JAKMIP2: variants seen among roughly 807,000 people sequenced by gnomAD.
The protein encoded by JAKMIP2 is janus kinase and microtubule interacting protein 2, also known as janus kinase and microtubule-interacting protein 2.
JAKMIP2 carries 25 observed loss-of-function variants against 115.0 expected under a neutral mutation model. That is an observed-to-expected ratio of 0.22 (90% CI 0.16 to 0.30). JAKMIP2 has a LOEUF of 0.30. Ranked by LOEUF, JAKMIP2 falls within the 10% of genes least tolerant of loss-of-function variation. JAKMIP2 has a pLI of 1.00. For synonymous variants in JAKMIP2, 334 were observed against 343.6 expected (o/e 0.97, Z 0.31); for missense variants, 642 against 957.6 (o/e 0.67, Z 4.35).
chr5:147,632,283 T>C (rs1029297220), intron 13 of JAKMIP2, among the ~76,000 whole-genome samples: 1 of 152,210 alleles, frequency 6.6e-6, no homozygotes, highest in Non-Finnish European at 1.5e-5. Context: ...CATTTTGAAA[T>C]ATAAGTATTG....
chr5:147,648,105 C>T (rs1425750841), intron 5 of JAKMIP2, among the ~76,000 whole-genome samples: 1 of 152,078 alleles, frequency 6.6e-6, no homozygotes, highest in Non-Finnish European at 1.5e-5. Context: ...TGATAGACAT[C>T]TATGGCGATT....
chr5:147,628,879 C>G lies in JAKMIP2; in HGVS notation c.1930-63G>C. ...GACATTATTTACCCCAAAGAAAATA[C>G]TGTCTGACTGACTGCTACAGAGCAT... On this transcript the variant is annotated intron_variant, in intron 15 of 21. Transcript: ENST00000616793. The G allele has an allele frequency of 3.4e-6, 4 of 1,178,044 alleles. No individual in the cohort carries two copies. In the South Asian group the frequency reaches 3.8e-5, roughly 11 times the overall value. The allele number at this position is 1,178,044 out of a possible 1,614,324, so 73.0% of individuals were successfully genotyped here.
chr5:147,602,002 T>C (rs532331087), intron 20 of JAKMIP2, among the ~76,000 whole-genome samples, 191 bp from the exon 21 acceptor site: 1 of 152,354 alleles, frequency 6.6e-6, no homozygotes, highest in African/African-American at 2.4e-5. Flanking sequence ...CAACTAACAT[T>C]GATTCATACA....
At chr5:147,672,654 G>T (rs1372080897) in intron 1 of JAKMIP2, among the ~76,000 whole-genome samples, 2 of 152,170 alleles carry the variant, frequency 1.3e-5, no homozygotes, top group African/African-American at 2.4e-5. Flanking sequence ...GGCATGAATT[G>T]TTTCAGAAGT....
intron 19 of JAKMIP2, among the ~76,000 whole-genome samples, chr5:147,615,430 T>C (rs1003955124): frequency 2.6e-5 from 4 of 152,088 alleles, no homozygotes; most frequent in African/African-American, 9.7e-5. Context: ...ATGTTTTGCA[T>C]GAGTGGAGAG....
chr5:147,760,398 G>T (rs1754890460), intron 1 of JAKMIP2, among the ~76,000 whole-genome samples: 1 of 57,970 alleles, frequency 1.7e-5, no homozygotes, highest in African/African-American at 5.2e-5. Flanking sequence ...AGAAGAGGCA[G>T]TCAGTGAAAA....
At chr5:147,652,632 T>C (rs1328168109) in intron 3 of JAKMIP2, among the ~76,000 whole-genome samples, 1 of 152,200 alleles carries the variant, frequency 6.6e-6, no homozygotes, top group Non-Finnish European at 1.5e-5. Context: ...GTTTCCTATG[T>C]TATTCTGTGT....
chr5:147,682,039 C>CAAAAA (rs201220964), intron 1 of JAKMIP2, among the ~76,000 whole-genome samples: 3 of 76,310 alleles, frequency 3.9e-5, no homozygotes, highest in South Asian at 4.2e-4. Context: ...AACTCTGTTT[C>CAAAAA]AAAAAAAAAA....
At chr5:147,756,220 C>T (rs756815292) in intron 1 of JAKMIP2, among the ~76,000 whole-genome samples, 1 of 152,086 alleles carries the variant, frequency 6.6e-6, no homozygotes, top group Non-Finnish European at 1.5e-5. Flanking sequence ...GTGACTGAAG[C>T]ATCAGAGAGA....
intron 1 of JAKMIP2, among the ~76,000 whole-genome samples, chr5:147,730,578 C>A (rs566791577): frequency 6.6e-6 from 1 of 151,986 alleles, no homozygotes; most frequent in South Asian, 2.1e-4. Flanking sequence ...GCCTCAGCCT[C>A]CCTAGTAGCT....
chr5:147,739,772 G>A (rs1004144495), intron 1 of JAKMIP2, among the ~76,000 whole-genome samples: 3 of 152,030 alleles, frequency 2.0e-5, no homozygotes, highest in Non-Finnish European at 4.4e-5. Flanking sequence ...ATCCTTTCCC[G>A]CTTAAATCAA....
intron 12 of JAKMIP2, 41 bp from the exon 13 acceptor site, chr5:147,632,819 A>G: frequency 3.1e-6 from 4 of 1,292,206 alleles, no homozygotes; most frequent in Non-Finnish European, 4.5e-6. Flanking sequence ...CATTGAGAAA[A>G]GCACCTACAA....
chr5:147,690,318 T>A (rs1178866852), intron 1 of JAKMIP2, among the ~76,000 whole-genome samples: 1 of 151,686 alleles, frequency 6.6e-6, no homozygotes, highest in African/African-American at 2.4e-5. Flanking sequence ...GGGTGACAGA[T>A]TGAGACCCTG....
chr5:147,636,155 C>A (rs1667890177), intron 12 of JAKMIP2, 67 bp downstream of exon 12: 1 of 1,346,060 alleles, frequency 7.4e-7, no homozygotes, highest in Non-Finnish European at 1.1e-6. Flanking sequence ...CTGAGAGCAC[C>A]CCCTGCTGCT....
At chr5:147,672,540 C>T (rs963227176) in intron 1 of JAKMIP2, among the ~76,000 whole-genome samples, 1 of 152,146 alleles carries the variant, frequency 6.6e-6, no homozygotes, top group African/African-American at 2.4e-5. Flanking sequence ...AAAAATAAGT[C>T]AGCCTTCCAA....
chr5:147,771,567 T>C (rs1459258030), intron 1 of JAKMIP2, among the ~76,000 whole-genome samples: 1 of 152,076 alleles, frequency 6.6e-6, no homozygotes, highest in Non-Finnish European at 1.5e-5. Context: ...ATTCATCAAA[T>C]GAAAGATACC....
At chr5:147,699,257 T>C (rs1402855795) in intron 1 of JAKMIP2, among the ~76,000 whole-genome samples, 5 of 152,192 alleles carry the variant, frequency 3.3e-5, no homozygotes, top group Non-Finnish European at 5.9e-5. Flanking sequence ...GAGTATGTGT[T>C]GACATGAGCA....
chr5:147,716,069 C>T (rs1259126961), intron 1 of JAKMIP2, among the ~76,000 whole-genome samples: 10 of 141,786 alleles, frequency 7.1e-5, no homozygotes, highest in Non-Finnish European at 1.1e-4. Flanking sequence ...TGTTCAATTC[C>T]CACGTATGAG....
chr5:147,627,281 C>T (rs17106947), intron 16 of JAKMIP2, among the ~76,000 whole-genome samples: 35,886 of 151,898 alleles, frequency 0.24, 5,512 homozygotes, highest in East Asian at 0.46. Context: ...ACAGGCAGGC[C>T]TCCTCATTAT....
Sources: gnomAD v4.1 joint callset for allele counts (sites outside exome capture counted in the v4.1 genomes callset) on GRCh38, gnomAD v4.1.1 for gene constraint, MANE v1.5 for transcripts, NCBI Gene and HGNC (gene_info 2026-07-23, HGNC 2026-07-21) for gene names.